Variants in B4GALNT2 observed in about 807,000 individuals in gnomAD.
B4GALNT2 encodes the protein beta-1,4-N-acetyl-galactosaminyltransferase 2 (SID blood group), also known as N-acetylneuraminylgalactosylglucosyl-glucoside beta-1,4-N- acetylgalactosaminyltransferase 2.
In B4GALNT2, 42 loss-of-function variants were observed where a neutral mutation model predicts 51.1. That is an observed-to-expected ratio of 0.82 (90% CI 0.64 to 1.06). The LOEUF (loss-of-function observed/expected upper bound fraction) is 1.06, where lower values mean the gene tolerates loss of function less well. Ranked by LOEUF, B4GALNT2 falls within the 50% of genes least tolerant of loss-of-function variation. The pLI is 0.00. For synonymous variants in B4GALNT2, 253 were observed against 251.7 expected, an observed-to-expected ratio of 1.01 and a Z score of -0.05; for missense variants, 602 against 633.6, an observed-to-expected ratio of 0.95 and a Z score of 0.54.
Position 49,174,653 on chromosome 17 carries a change from C to T in B4GALNT2, c.*4925C>T, listed in dbSNP as rs1316592300. The stretch of plus-strand genomic sequence containing the variant: ...AGGGGAAAATGTTGGAGCTATGTGT[C>T]CTTTTTCTAATTGTTCAGTAACTAA... On this transcript the variant is annotated 3_prime_UTR_variant, in exon 11 of 11. Coordinates refer to ENST00000393354, the MANE Select transcript of B4GALNT2 (RefSeq NM_001159387.2). 1.3e-5 allele frequency: 2 copies of T among 152,144 alleles called. No individual in the cohort carries two copies. Among genetic ancestry groups the T allele is most frequent in the East Asian group, 3.9e-4 (2 of 5,182 alleles). The allele number at this position is 152,144 out of a possible 1,614,324, so 9.4% of individuals were successfully genotyped here.
chr17:49,150,075 G>A (rs574272385), intron 3 of B4GALNT2, among the ~76,000 whole-genome samples: 1 of 152,168 alleles, frequency 6.6e-6, no homozygotes, highest in Non-Finnish European at 1.5e-5. Flanking sequence ...AGGTCGGGGG[G>A]GGTCAGCCCC....
At chr17:49,164,336 G>T in intron 8 of B4GALNT2, 61 bp downstream of exon 8, 2 of 1,480,344 alleles carry the variant, frequency 1.4e-6, no homozygotes, top group Non-Finnish European at 1.9e-6. Flanking sequence ...CCAGGGTCAG[G>T]TTCTACCCTG....
chr17:49,170,522 A>G lies in B4GALNT2; in HGVS notation c.*794A>G, dbSNP rs2042951207. The G allele has an allele frequency of 6.6e-6, 1 of 152,248 alleles. No homozygotes were observed. Among genetic ancestry groups the G allele is most frequent in the Non-Finnish European group, 1.5e-5 (1 of 68,066 alleles). 9.4% of individuals were successfully genotyped at this position (152,248 alleles called of 1,614,324 possible). On this transcript the variant is annotated 3_prime_UTR_variant, in exon 11 of 11. Coordinates refer to ENST00000393354, the MANE Select transcript of B4GALNT2 (RefSeq NM_001159387.2). ...AACAGACAGTGTGAGTGTGGTGACA[A>G]GCCACTAAACTCCAGGGACCTGAGG...
At chr17:49,149,106 C>G (rs947003339) in intron 3 of B4GALNT2, 2 of 151,504 alleles carry the variant, frequency 1.3e-5, no homozygotes, top group African/African-American at 4.9e-5. Flanking sequence ...TCTTAGGCAT[C>G]AACATCTCGG....
At chr17:49,148,745 C>G in intron 3 of B4GALNT2, 1 of 560,946 alleles carries the variant, frequency 1.8e-6, no homozygotes, top group Non-Finnish European at 3.2e-6. Flanking sequence ...TCTTGGCCAC[C>G]GTGACTCCCT....
intron 1 of B4GALNT2, among the ~76,000 whole-genome samples, chr17:49,141,006 C>T (rs967356990): frequency 3.3e-5 from 5 of 151,762 alleles, no homozygotes; most frequent in African/African-American, 1.2e-4. Context: ...TGTGAGCCAC[C>T]GTGCCCAGCC....
In B4GALNT2 at chr17:49,169,628, T is replaced by A; in HGVS notation, c.1421T>A (p.Leu474Gln). Residue 474 changes from leucine (L) to glutamine (Q), a missense_variant, in exon 11 of 11, where the codon CTA becomes CAA. Coordinates refer to ENST00000393354, the MANE Select transcript of B4GALNT2 (RefSeq NM_001159387.2). The stretch of plus-strand genomic sequence containing the variant: ...GTGGTGGACTCAGAACTGGCTGCCC[T>A]AGAGAAGACCTACAATACATACCGG... ...SPVVDSELAA[L>Q]EKTYNTYRSN... The A allele has an allele frequency of 6.2e-7, 1 of 1,613,286 alleles. No individual in the cohort carries two copies. Among genetic ancestry groups the A allele is most frequent in the Non-Finnish European group, 8.5e-7 (1 of 1,179,866 alleles).
At chr17:49,130,653 C>T (rs917980047), upstream of B4GALNT2, among the ~76,000 whole-genome samples, 47 of 107,498 alleles carry the variant, frequency 4.4e-4, no homozygotes, top group Non-Finnish European at 6.2e-4. Flanking sequence ...AAAAAAATGT[C>T]TAGTTGTGTA....
At chr17:49,126,105 C>CT in the B4GALNT2 span, among the ~76,000 whole-genome samples, 3 of 152,102 alleles carry the variant, frequency 2.0e-5, no homozygotes, top group Non-Finnish European at 4.4e-5. Flanking sequence ...GTTGCCGTGT[C>CT]TGTGTAGAAA....
At chr17:49,134,627 G>A (rs2042574049) in intron 1 of B4GALNT2, among the ~76,000 whole-genome samples, 1 of 151,116 alleles carries the variant, frequency 6.6e-6, no homozygotes, top group Non-Finnish European at 1.5e-5. Context: ...TAGCTCTGTG[G>A]CCCAGGCTGG....
chr17:49,144,626 A>G (rs753860062), intron 3 of B4GALNT2, among the ~76,000 whole-genome samples: 3 of 152,312 alleles, frequency 2.0e-5, no homozygotes, highest in South Asian at 4.1e-4. Context: ...CCAGTTGGGC[A>G]TGGTGGCTCA....
intron 6 of B4GALNT2, 99 bp downstream of exon 6, chr17:49,159,316 T>G: frequency 7.8e-7 from 1 of 1,280,050 alleles, no homozygotes; most frequent in East Asian, 2.4e-5. Flanking sequence ...TCCTGTTTTT[T>G]GTGTTTTGTG....
intron 9 of B4GALNT2, among the ~76,000 whole-genome samples, chr17:49,167,314 T>C (rs539106697): frequency 6.6e-6 from 1 of 152,280 alleles, no homozygotes; most frequent in East Asian, 1.9e-4. Flanking sequence ...GGAGAGCAGG[T>C]TTCTTTTAAG....
chr17:49,162,611 G>A (rs1252516992), intron 7 of B4GALNT2, among the ~76,000 whole-genome samples: 1 of 152,038 alleles, frequency 6.6e-6, no homozygotes, highest in Non-Finnish European at 1.5e-5. Flanking sequence ...TGTTTGCAAT[G>A]ACAAAAAACA....
chr17:49,121,665 G>C, the B4GALNT2 span, among the ~76,000 whole-genome samples: 1 of 152,154 alleles, frequency 6.6e-6, no homozygotes, highest in Admixed American at 6.5e-5. Flanking sequence ...AGCTGGAAAT[G>C]GGTCCACAGC....
the B4GALNT2 span, among the ~76,000 whole-genome samples, chr17:49,123,809 T>C: frequency 2.0e-5 from 3 of 152,204 alleles, no homozygotes; most frequent in African/African-American, 4.8e-5. Flanking sequence ...AGGGACTGTG[T>C]ACACAAAACG....
intron 1 of B4GALNT2, among the ~76,000 whole-genome samples, chr17:49,139,484 C>T (rs559255754): frequency 5.9e-5 from 9 of 152,246 alleles, no homozygotes; most frequent in Admixed American, 3.3e-4. Context: ...CCTCGGCCCC[C>T]CAAAGTGCTG....
At chr17:49,154,334 T>C (rs1467664439) in intron 4 of B4GALNT2, among the ~76,000 whole-genome samples, 1 of 152,124 alleles carries the variant, frequency 6.6e-6, no homozygotes, top group South Asian at 2.1e-4. Context: ...TTTATGTTGG[T>C]TAAAACTGCC....
At position 49,170,437 on chromosome 17, in the gene B4GALNT2, C is replaced by T. The variant is rs2042950729; in HGVS notation, c.*709C>T. On this transcript the variant is annotated 3_prime_UTR_variant, in exon 11 of 11. Transcript: ENST00000393354. Reference sequence around the variant, plus strand: ...AGGCTGCCCTGGCATCAGACTCACTCCAGACCTGTTCCAGAATGCCAGGGA... The same window carrying T: ...AGGCTGCCCTGGCATCAGACTCACTTCAGACCTGTTCCAGAATGCCAGGGA... The T allele has an allele frequency of 6.6e-6, 1 of 152,346 alleles. No individual in the cohort carries two copies. The highest frequency in any genetic ancestry group is 1.5e-5 in the Non-Finnish European group (1 of 68,130). 9.4% of individuals were successfully genotyped at this position (152,346 alleles called of 1,614,324 possible).
Sources: gnomAD v4.1 joint callset for allele counts (sites outside exome capture counted in the v4.1 genomes callset) on GRCh38, gnomAD v4.1.1 for gene constraint, MANE v1.5 for transcripts, NCBI Gene and HGNC (gene_info 2026-07-23, HGNC 2026-07-21) for gene names.